EXOSC7: variants seen among roughly 807,000 people sequenced by gnomAD.
The protein encoded by EXOSC7 is exosome component 7.
EXOSC7 carries 25 observed loss-of-function variants against 34.3 expected under a neutral mutation model. The ratio of observed to expected loss-of-function variants is 0.73; its 90% CI spans 0.53 to 1.02. The LOEUF is 1.02. Among genes scored for constraint, EXOSC7 ranks in the 50% least tolerant of loss-of-function variants. The pLI, the probability that EXOSC7 is intolerant of heterozygous loss-of-function variation, is 0.00. For missense variants in EXOSC7, 370 were observed against 368.5 expected (o/e 1.00, Z -0.03); for synonymous variants, 130 against 143.0 (o/e 0.91, Z 0.65).
At chr3:45,012,313 C>T (rs1283654766), downstream of EXOSC7, 1 of 152,188 alleles carries the variant, frequency 6.6e-6, no homozygotes, top group Non-Finnish European at 1.5e-5. Flanking sequence ...GAATTTATCA[C>T]CAAATGGAAA....
At position 45,004,580 on chromosome 3, in the gene EXOSC7, T is replaced by TA. The variant is rs1553700374; in HGVS notation, c.492-709dup. ...GTTTTTTTTTTTTTGTTTTTTTTTT[T>TA]AATAGTTATTTTGGTTGTGCCTTGG... On this transcript the variant is annotated intron_variant, in intron 5 of 7. Coordinates refer to ENST00000265564, the MANE Select transcript of EXOSC7 (RefSeq NM_015004.4). 4 of 150,902 alleles carry TA rather than the reference T, an allele frequency of 2.7e-5. No homozygotes were observed. In the East Asian group the frequency reaches 7.8e-4, roughly 29 times the overall value. The allele number at this position is 150,902 out of a possible 1,614,324, so 9.3% of individuals were successfully genotyped here.
At chr3:45,001,230 A>C (rs1299012628) in intron 4 of EXOSC7, among the ~76,000 whole-genome samples, 1 of 152,010 alleles carries the variant, frequency 6.6e-6, no homozygotes, top group Non-Finnish European at 1.5e-5. Context: ...AGGTAGGCGG[A>C]TCACTTTTGG....
In EXOSC7 at chr3:44,989,242, G is replaced by A. The variant is rs780505067; in HGVS notation, c.159+1G>A. 13 of 1,607,308 alleles carry A rather than the reference G, an allele frequency of 8.1e-6. No homozygotes were observed. In the South Asian group the frequency reaches 1.3e-4, roughly 16 times the overall value. On this transcript the variant is annotated splice_donor_variant, in intron 2 of 7. Coordinates refer to ENST00000265564, the MANE Select transcript of EXOSC7 (RefSeq NM_015004.4). LOFTEE classifies it high-confidence loss of function. ...TAGTGGGTCCGCCAGGGTCAAGCTG[G>A]TGAGTACTGTGACCATGGTTCAAGC... is the stretch of plus-strand genomic sequence containing the variant.
chr3:44,983,440 A>G (rs1166693910), intron 1 of EXOSC7, among the ~76,000 whole-genome samples: 1 of 152,206 alleles, frequency 6.6e-6, no homozygotes, highest in African/African-American at 2.4e-5. Flanking sequence ...AGATGAAGAA[A>G]CAGGCTTAGA....
At chr3:45,005,136 T>C in intron 5 of EXOSC7, 155 bp from the exon 6 acceptor site, 2 of 830,540 alleles carry the variant, frequency 2.4e-6, no homozygotes, top group Non-Finnish European at 3.8e-6. Flanking sequence ...TCCTGTGTGC[T>C]TTTGACAGGG....
intron 5 of EXOSC7, among the ~76,000 whole-genome samples, chr3:45,003,983 C>A (rs957285635): frequency 1.3e-5 from 2 of 152,134 alleles, no homozygotes; most frequent in South Asian, 4.1e-4. Context: ...GTCTACTGTC[C>A]AGTCTGCTGT....
chr3:44,997,022 C>A, intron 3 of EXOSC7, 65 bp from the exon 4 acceptor site: 1 of 1,515,920 alleles, frequency 6.6e-7, no homozygotes, highest in Non-Finnish European at 9.1e-7. Context: ...TGGAATAAAG[C>A]TTTGCCTCTT....
At chr3:45,007,879 CT>C (rs1328254904) in intron 7 of EXOSC7, among the ~76,000 whole-genome samples, 1 of 152,202 alleles carries the variant, frequency 6.6e-6, no homozygotes, top group Non-Finnish European at 1.5e-5. Context: ...TAAAGAGCCA[CT>C]CGTAACTCCA....
intron 2 of EXOSC7, 48 bp downstream of exon 2, chr3:44,989,289 C>A: frequency 7.2e-7 from 1 of 1,384,532 alleles, no homozygotes; most frequent in Non-Finnish European, 1.0e-6. Context: ...AATGAGTAGG[C>A]CCTAAGGAAT....
chr3:44,985,101 G>A (rs1706370701), intron 1 of EXOSC7, among the ~76,000 whole-genome samples: 1 of 152,318 alleles, frequency 6.6e-6, no homozygotes, highest in Non-Finnish European at 1.5e-5. Context: ...TTCCTAGCTG[G>A]GGAGTGGGGC....
chr3:45,006,117 G>A (rs1707032208), intron 6 of EXOSC7, among the ~76,000 whole-genome samples: 1 of 109,318 alleles, frequency 9.1e-6, no homozygotes, highest in Non-Finnish European at 1.7e-5. Context: ...TTGCTGCAAC[G>A]CCCAGGCTGG....
chr3:44,990,508 T>A (rs1184884621), intron 3 of EXOSC7, among the ~76,000 whole-genome samples: 1 of 152,162 alleles, frequency 6.6e-6, no homozygotes, highest in African/African-American at 2.4e-5. Context: ...TGTGGGCTCA[T>A]GCTGGGTGTA....
intron 1 of EXOSC7, among the ~76,000 whole-genome samples, chr3:44,988,681 A>T (rs1283667069): frequency 6.6e-6 from 1 of 152,190 alleles, no homozygotes; most frequent in African/African-American, 2.4e-5. Flanking sequence ...CACTATTTAC[A>T]CAGTAGATCT....
chr3:44,986,522 G>C (rs1430638946), intron 1 of EXOSC7, among the ~76,000 whole-genome samples: 1 of 152,194 alleles, frequency 6.6e-6, no homozygotes, highest in Non-Finnish European at 1.5e-5. Context: ...CTCCCACCTT[G>C]GCCAGCCCAG....
At chr3:45,012,030 T>C (rs1461805009), downstream of EXOSC7, among the ~76,000 whole-genome samples, 1 of 152,250 alleles carries the variant, frequency 6.6e-6, no homozygotes, top group Non-Finnish European at 1.5e-5. Context: ...ATGTTGTCAT[T>C]TGATAATTCA....
rs747989302 is a variant in EXOSC7 at position 45,007,539 on chromosome 3, C to T, written c.735C>T (p.Gly245=). 1 of 1,612,882 alleles carries T rather than the reference C, an allele frequency of 6.2e-7. No homozygotes were observed. ...VVTCMRKVGK[G]SLDPESIFEM... is the part of the protein sequence containing the mutation. ...CGTGCATGAGGAAAGTGGGGAAGGG[C>T]AGCCTGGACCCAGAGAGCATCTTCG... Residue 245 remains glycine, a synonymous_variant, in exon 7 of 8, where the codon GGC becomes GGT. Transcript: ENST00000265564.
chr3:45,002,188 T>G (rs1008959098), intron 5 of EXOSC7: 4 of 145,994 alleles, frequency 2.7e-5, no homozygotes, highest in African/African-American at 1.1e-4. Context: ...TTATTCTGAC[T>G]GATTGACCTT....
chr3:44,994,365 A>C (rs1324014119), intron 3 of EXOSC7, among the ~76,000 whole-genome samples: 1 of 150,360 alleles, frequency 6.7e-6, no homozygotes, highest in Non-Finnish European at 1.5e-5. Context: ...TGTTTCATGT[A>C]GGGATTTTTT....
At chr3:44,977,661 C>T (rs1437532356) in intron 1 of EXOSC7, among the ~76,000 whole-genome samples, 1 of 152,210 alleles carries the variant, frequency 6.6e-6, no homozygotes, top group Non-Finnish European at 1.5e-5. Context: ...TTAGATATGT[C>T]TTTCCCTGCT....
Sources: gnomAD v4.1 joint callset for allele counts (sites outside exome capture counted in the v4.1 genomes callset) on GRCh38, gnomAD v4.1.1 for gene constraint, MANE v1.5 for transcripts, NCBI Gene and HGNC (gene_info 2026-07-23, HGNC 2026-07-21) for gene names.